Variants in NARS2 observed in about 807,000 individuals in gnomAD.
NARS2 encodes the protein asparaginyl-tRNA synthetase 2, mitochondrial.
Under a neutral mutation model 62.9 loss-of-function variants are expected in NARS2, and 60 were observed. That is an observed-to-expected ratio of 0.95 (90% confidence interval 0.77 to 1.18). The LOEUF is 1.18. Ranked by LOEUF, NARS2 falls within the 50% of genes most tolerant of loss-of-function variation. The pLI is 0.00. For synonymous variants in NARS2, 196 were observed against 200.0 expected (o/e 0.98, Z 0.17); for missense variants, 619 against 576.4 (o/e 1.07, Z -0.76).
intron 6 of NARS2, among the ~76,000 whole-genome samples, chr11:78,503,116 G>A (rs762410547): frequency 2.0e-5 from 3 of 151,800 alleles, no homozygotes; most frequent in Non-Finnish European, 2.9e-5. Flanking sequence ...TTCAGAAACT[G>A]AGGCTTAGAC....
At chr11:78,510,766 C>A (rs924348581) in intron 6 of NARS2, among the ~76,000 whole-genome samples, 10 of 152,026 alleles carry the variant, frequency 6.6e-5, no homozygotes, top group Non-Finnish European at 1.5e-4. Context: ...TAAAATGGTA[C>A]AACAAATGCA....
chr11:78,501,248 G>C (rs1166989285), intron 6 of NARS2, among the ~76,000 whole-genome samples: 2 of 152,112 alleles, frequency 1.3e-5, no homozygotes, highest in Non-Finnish European at 2.9e-5. Context: ...TTAATGTCTG[G>C]CTTAACAAAA....
chr11:78,558,843 T>C (rs918078022), intron 5 of NARS2, among the ~76,000 whole-genome samples: 11 of 152,224 alleles, frequency 7.2e-5, no homozygotes, highest in African/African-American at 2.2e-4. Context: ...TTCACATGTA[T>C]ACTCTTCTAT....
chr11:78,446,636 A>G (rs1335202689), intron 11 of NARS2, among the ~76,000 whole-genome samples: 2 of 152,222 alleles, frequency 1.3e-5, no homozygotes, highest in Non-Finnish European at 1.5e-5. Flanking sequence ...TTAAAGCCTG[A>G]GAAACAGTAT....
At chr11:78,516,817 T>C (rs889649315) in intron 6 of NARS2, among the ~76,000 whole-genome samples, 5 of 152,234 alleles carry the variant, frequency 3.3e-5, no homozygotes, top group African/African-American at 1.2e-4. Context: ...CTTTATTTTG[T>C]ATTAATAGTT....
chr11:78,476,166 T>A (rs1394949249), intron 9 of NARS2, among the ~76,000 whole-genome samples: 1 of 152,176 alleles, frequency 6.6e-6, no homozygotes. Flanking sequence ...CAGCTAGGCT[T>A]TGTAAATGGG....
At chr11:78,454,925 G>A (rs1365647750) in intron 11 of NARS2, among the ~76,000 whole-genome samples, 1 of 152,080 alleles carries the variant, frequency 6.6e-6, no homozygotes, top group African/African-American at 2.4e-5. Context: ...CCAGTCTCAG[G>A]TATTTTTTTA....
chr11:78,467,733 A>C (rs1181103172), intron 10 of NARS2, among the ~76,000 whole-genome samples: 8 of 152,120 alleles, frequency 5.3e-5, no homozygotes, highest in African/African-American at 1.7e-4. Flanking sequence ...CTGGGGATCT[A>C]ATGTACAGTG....
intron 5 of NARS2, among the ~76,000 whole-genome samples, chr11:78,550,107 A>G (rs1318646084): frequency 6.6e-6 from 1 of 152,156 alleles, no homozygotes; most frequent in South Asian, 2.1e-4. Flanking sequence ...CACTCACACT[A>G]AAGTTCCATA....
At chr11:78,553,338 G>C (rs1856200494) in intron 5 of NARS2, among the ~76,000 whole-genome samples, 1 of 151,736 alleles carries the variant, frequency 6.6e-6, no homozygotes, top group African/African-American at 2.4e-5. Flanking sequence ...ACCTAGGCTA[G>C]AGTGCAGTGG....
rs575004769 is a variant in NARS2, at chr11:78,507,355, AAGTTTATACTTTGGG to A, written c.690-14175_690-14161del. Among the ~76,000 whole-genome samples the A allele has an allele frequency of 3.3e-5, 5 of 152,138 alleles. No individual in the cohort carries two copies. The South Asian group carries it at 1.0e-3, about 32-fold the overall frequency. On this transcript the variant is annotated intron_variant, in intron 6 of 13. Transcript: ENST00000281038. ...GCTCAGAAAGACCTGAGAAGACATT[AAGTTTATACTTTGGG>A]CTGAAGCCTGGCATAGAGACAGCCT...
intron 12 of NARS2, among the ~76,000 whole-genome samples, chr11:78,442,859 C>A (rs766788763): frequency 6.6e-6 from 1 of 152,108 alleles, no homozygotes; most frequent in Non-Finnish European, 1.5e-5. Flanking sequence ...AAATCAAGAC[C>A]CTTACATAGA....
Position 78,478,693 on chromosome 11 carries a change from A to G in NARS2, c.823-10T>C, listed in dbSNP as rs1489983257. 41 of 1,556,568 alleles carry G rather than the reference A, an allele frequency of 2.6e-5. No homozygotes were observed. The highest frequency in any genetic ancestry group is 3.3e-5 in the Non-Finnish European group (38 of 1,137,568). ...ACAGTTCCTCTATAACCTAAGAGAA[A>G]TGAAATAGAATCACCTGACACGTAA... On this transcript the variant is annotated splice_polypyrimidine_tract_variant and intron_variant, in intron 7 of 13. Transcript: ENST00000281038.
At chr11:78,572,417 G>A (rs1856962762) in intron 1 of NARS2, among the ~76,000 whole-genome samples, 2 of 152,136 alleles carry the variant, frequency 1.3e-5, no homozygotes, top group Non-Finnish European at 2.9e-5. Context: ...CATAGTCACC[G>A]ATTAGTAGAG....
chr11:78,463,254 C>CT (rs1261723484), intron 11 of NARS2, among the ~76,000 whole-genome samples: 6 of 152,102 alleles, frequency 3.9e-5, no homozygotes, highest in Admixed American at 6.5e-5. Context: ...GAGATAGGGT[C>CT]TTCCTATGTT....
At chr11:78,441,201 A>G in intron 12 of NARS2, 84 bp from the exon 13 acceptor site, 1 of 1,267,906 alleles carries the variant, frequency 7.9e-7, no homozygotes, top group Non-Finnish European at 1.1e-6. Context: ...GGTGTGTGCA[A>G]AGAACTCTTT....
intron 6 of NARS2, among the ~76,000 whole-genome samples, chr11:78,512,701 T>C (rs1860761724): frequency 6.6e-6 from 1 of 152,230 alleles, no homozygotes; most frequent in African/African-American, 2.4e-5. Context: ...ATTATCTTAG[T>C]AGCTACTTCA....
intron 7 of NARS2, among the ~76,000 whole-genome samples, chr11:78,490,841 G>A (rs151025489): frequency 1.2e-4 from 18 of 152,144 alleles, no homozygotes; most frequent in South Asian, 4.2e-4. Flanking sequence ...GAAATGCTCC[G>A]GTTTAGAGCA....
At chr11:78,484,185 A>T (rs1321261247) in intron 7 of NARS2, among the ~76,000 whole-genome samples, 1 of 152,220 alleles carries the variant, frequency 6.6e-6, no homozygotes. Flanking sequence ...CTGGCTGGTC[A>T]TATGCAGAAA....
Sources: allele counts gnomAD v4.1 joint callset (sites outside exome capture counted in the v4.1 genomes callset), GRCh38; gene constraint gnomAD v4.1.1; transcripts MANE v1.5; gene names NCBI Gene and HGNC (gene_info 2026-07-23, HGNC 2026-07-21).